UST: variants seen among roughly 807,000 people sequenced by gnomAD.
UST encodes chondroitin sulfate 2-O-sulfotransferase.
Under a neutral mutation model 45.6 loss-of-function variants are expected in UST, and 21 were observed. That is an observed-to-expected ratio of 0.46 (90% CI 0.33 to 0.66). UST has a LOEUF of 0.66. UST is among the 30% of genes least tolerant of loss of function. The probability of loss-of-function intolerance (pLI) is 0.02; values close to 1 mark genes in which losing one functional copy is unlikely to be tolerated. For synonymous variants in UST, 215 were observed against 200.6 expected, an observed-to-expected ratio of 1.07 and a Z score of -0.61; for missense variants, 463 against 512.4, an observed-to-expected ratio of 0.90 and a Z score of 0.93.
At chr6:148,924,051 T>C (rs959540809) in intron 2 of UST, among the ~76,000 whole-genome samples, 5 of 152,132 alleles carry the variant, frequency 3.3e-5, no homozygotes, top group Non-Finnish European at 7.3e-5. Context: ...CAAATCCAAG[T>C]GCTTACTAAA....
chr6:149,068,893 CT>C (rs1776780089), intron 7 of UST, among the ~76,000 whole-genome samples: 1 of 152,192 alleles, frequency 6.6e-6, no homozygotes, highest in South Asian at 2.1e-4. Context: ...TCAGCCCGCT[CT>C]CCAACCCAGA....
intron 2 of UST, among the ~76,000 whole-genome samples, chr6:148,914,979 G>A (rs1040693095): frequency 3.3e-5 from 5 of 152,152 alleles, no homozygotes; most frequent in Admixed American, 3.3e-4. Flanking sequence ...GGCCGATTCA[G>A]TGTCTGGTGA....
intron 1 of UST, among the ~76,000 whole-genome samples, chr6:148,770,821 G>C (rs1020499695): frequency 6.6e-6 from 1 of 152,150 alleles, no homozygotes; most frequent in Non-Finnish European, 1.5e-5. Flanking sequence ...CAGAGGGAGA[G>C]GTCAACATGT....
rs1278007696 is a variant in UST at position 149,023,370 on chromosome 6, G to A, written c.937+1889G>A. 3.3e-5 allele frequency among the ~76,000 whole-genome samples: 5 copies of A among 152,104 alleles called. No homozygotes were observed. In the East Asian group the frequency reaches 5.8e-4, roughly 18 times the overall value. ...ACTGAGACCTCAGACCAAGAGCCACGTGTGTGAGCCATCTTGGGAGCAGCT... is the reference window on the plus strand; with the variant it reads ...ACTGAGACCTCAGACCAAGAGCCACATGTGTGAGCCATCTTGGGAGCAGCT... On this transcript the variant is annotated intron_variant, in intron 7 of 7. Coordinates refer to ENST00000367463, the MANE Select transcript of UST (RefSeq NM_005715.3).
At chr6:148,966,809 T>C (rs1344005801) in intron 5 of UST, among the ~76,000 whole-genome samples, 3 of 152,366 alleles carry the variant, frequency 2.0e-5, no homozygotes, top group Admixed American at 1.3e-4. Flanking sequence ...AGATCTCTGC[T>C]CACTGCAACC....
chr6:148,985,884 T>C (rs1346807596), intron 5 of UST, among the ~76,000 whole-genome samples: 1 of 152,014 alleles, frequency 6.6e-6, no homozygotes, highest in African/African-American at 2.4e-5. Context: ...CAAGATGAGA[T>C]TGGATGTGCA....
At chr6:148,938,816 TAAAC>T (rs1040505310) in intron 2 of UST, among the ~76,000 whole-genome samples, 11 of 151,104 alleles carry the variant, frequency 7.3e-5, no homozygotes, top group Non-Finnish European at 1.2e-4. Context: ...TCAAAATAGA[TAAAC>T]AGTAGTATAT....
chr6:148,935,126 G>A (rs1383008080), intron 2 of UST, among the ~76,000 whole-genome samples: 1 of 152,160 alleles, frequency 6.6e-6, no homozygotes, highest in African/African-American at 2.4e-5. Flanking sequence ...GGTGGTTCCT[G>A]TCGTGCTCAG....
chr6:148,942,002 G>A (rs187860157), intron 3 of UST, among the ~76,000 whole-genome samples: 1 of 152,212 alleles, frequency 6.6e-6, no homozygotes, highest in East Asian at 1.9e-4. Flanking sequence ...ACGTGCTGAT[G>A]GTAGGATGGG....
In UST at chr6:148,973,795, A is replaced by G. The variant is rs1299405407; in HGVS notation, c.681+9232A>G. On this transcript the variant is annotated intron_variant, in intron 5 of 7. Coordinates refer to ENST00000367463, the MANE Select transcript of UST (RefSeq NM_005715.3). ...AAACGTGTTCTTCAAAATATTTTGCAAAGTCTGAAGACAGGAAAAGTAAGT... is the reference window on the plus strand; with the variant it reads ...AAACGTGTTCTTCAAAATATTTTGCGAAGTCTGAAGACAGGAAAAGTAAGT... Among the ~76,000 whole-genome samples the G allele has an allele frequency of 2.6e-5, 4 of 152,258 alleles. No individual in the cohort carries two copies. In the South Asian group the frequency reaches 6.2e-4, roughly 24 times the overall value.
At chr6:148,988,285 A>G (rs1781271846) in intron 5 of UST, among the ~76,000 whole-genome samples, 2 of 152,218 alleles carry the variant, frequency 1.3e-5, no homozygotes, top group South Asian at 4.1e-4. Flanking sequence ...CCTTTATTCA[A>G]AAAACAGGCT....
At chr6:148,984,135 G>C (rs1562320669) in intron 5 of UST, among the ~76,000 whole-genome samples, 1 of 152,138 alleles carries the variant, frequency 6.6e-6, no homozygotes, top group Non-Finnish European at 1.5e-5. Flanking sequence ...CTTATATTCA[G>C]ATATGGTCAA....
intron 7 of UST, among the ~76,000 whole-genome samples, chr6:149,025,458 T>G (rs1281112470): frequency 6.6e-6 from 1 of 152,172 alleles, no homozygotes; most frequent in Non-Finnish European, 1.5e-5. Flanking sequence ...ATATGCTTGG[T>G]ATTTCTTCCA....
chr6:148,909,372 T>G (rs7749826), intron 2 of UST, among the ~76,000 whole-genome samples: 4,053 of 152,294 alleles, frequency 0.027, 161 homozygotes, highest in East Asian at 0.087. Flanking sequence ...GCCCGTGCGC[T>G]TCCTACCGCT....
Position 148,839,952 on chromosome 6 carries a change from A to G in UST, c.248-47034A>G, listed in dbSNP as rs530241823. ...TAATTCCAAATTTAGAGCTTTTTTC[A>G]TAGTACCACACTACCTCCCTACTTC... On this transcript the variant is annotated intron_variant, in intron 1 of 7. Coordinates refer to ENST00000367463, the MANE Select transcript of UST (RefSeq NM_005715.3). Among the ~76,000 whole-genome samples, 20 of 152,250 alleles carry G rather than the reference A, an allele frequency of 1.3e-4. 1 individual carries two copies. In the South Asian group the frequency reaches 3.7e-3, roughly 28 times the overall value.
rs564204363 is a variant in UST, at chr6:148,781,329, C to T, written c.247+33652C>T. Among the ~76,000 whole-genome samples, 5 of 152,042 alleles carry T rather than the reference C, an allele frequency of 3.3e-5. No individual in the cohort carries two copies. In the East Asian group the frequency reaches 5.8e-4, roughly 18 times the overall value. ...TGATACCGAGAAAGTTTGAGTGGTCCGGATAGAAGGTCAAACCAGCCACAA... is the reference window on the plus strand; with the variant it reads ...TGATACCGAGAAAGTTTGAGTGGTCTGGATAGAAGGTCAAACCAGCCACAA... On this transcript the variant is annotated intron_variant, in intron 1 of 7. Coordinates refer to ENST00000367463, the MANE Select transcript of UST (RefSeq NM_005715.3).
At chr6:148,946,042 T>C (rs1011014321) in intron 3 of UST, among the ~76,000 whole-genome samples, 1 of 152,206 alleles carries the variant, frequency 6.6e-6, no homozygotes, top group Admixed American at 6.5e-5. Context: ...TACAATATTT[T>C]AAATTTCCCT....
chr6:148,852,304 C>T (rs1056218428), intron 1 of UST, among the ~76,000 whole-genome samples: 2 of 152,140 alleles, frequency 1.3e-5, no homozygotes, highest in African/African-American at 2.4e-5. Flanking sequence ...TGAATCTATC[C>T]GAAACATATG....
At chr6:149,046,397 GT>G (rs1776396267) in intron 7 of UST, among the ~76,000 whole-genome samples, 1 of 152,200 alleles carries the variant, frequency 6.6e-6, no homozygotes, top group Non-Finnish European at 1.5e-5. Context: ...ACTTCAGCTT[GT>G]TCTGGATCAT....
Sources: gnomAD v4.1 joint callset for allele counts (sites outside exome capture counted in the v4.1 genomes callset) on GRCh38, gnomAD v4.1.1 for gene constraint, MANE v1.5 for transcripts, NCBI Gene and HGNC (gene_info 2026-07-23, HGNC 2026-07-21) for gene names.